TNKS: variants seen among roughly 807,000 people sequenced by gnomAD.
The protein encoded by TNKS is poly [ADP-ribose] polymerase tankyrase-1.
A neutral mutation model predicts 135.8 loss-of-function variants in TNKS; 72 were observed. That is an observed-to-expected ratio of 0.53 (90% CI 0.44 to 0.64). The LOEUF (loss-of-function observed/expected upper bound fraction) is 0.64. Ranked by LOEUF, TNKS falls within the 30% of genes least tolerant of loss-of-function variation. TNKS has a pLI of 0.00. For missense variants in TNKS, 1,769 were observed against 1,674.0 expected, an observed-to-expected ratio of 1.06 and a Z score of -0.99; for synonymous variants, 849 against 649.3, an observed-to-expected ratio of 1.31 and a Z score of -4.68.
Position 9,658,338 on chromosome 8 carries a change from C to T in TNKS, c.995-21613C>T, listed in dbSNP as rs893362485. On this transcript the variant is annotated intron_variant, in intron 3 of 26. Coordinates refer to ENST00000310430, the MANE Select transcript of TNKS (RefSeq NM_003747.3). ...CGCGGGGCCCGTCCGCTCCTCCAGC[C>T]GCTGCCTCCCAGGCGGCGCTCGCCG... The T allele has an allele frequency of 6.4e-5, 67 of 1,048,622 alleles. No homozygotes were observed. The Admixed American group carries it at 7.4e-4, about 12-fold the overall frequency. The allele number at this position is 1,048,622 out of a possible 1,614,324, so 65.0% of individuals were successfully genotyped here.
intron 1 of TNKS, among the ~76,000 whole-genome samples, chr8:9,567,498 C>G (rs555261268): frequency 3.1e-4 from 47 of 152,338 alleles, no homozygotes; most frequent in African/African-American, 1.0e-3. Flanking sequence ...TCACTGCAAG[C>G]TCTGCCTCCC....
chr8:9,694,619 G>C (rs756576216), intron 5 of TNKS, among the ~76,000 whole-genome samples: 4 of 151,928 alleles, frequency 2.6e-5, no homozygotes, highest in Non-Finnish European at 5.9e-5. Flanking sequence ...AAAATTAGCC[G>C]GGTGTGGTGG....
intron 3 of TNKS, among the ~76,000 whole-genome samples, chr8:9,663,148 C>A (rs771319562): frequency 2.6e-5 from 4 of 152,294 alleles, no homozygotes; most frequent in Admixed American, 1.3e-4. Context: ...TGTGTTTTCC[C>A]CTAGAGGCTC....
chr8:9,638,001 C>G (rs779540073), intron 3 of TNKS, among the ~76,000 whole-genome samples: 2 of 152,118 alleles, frequency 1.3e-5, no homozygotes, highest in African/African-American at 4.8e-5. Flanking sequence ...TGGGATCTCG[C>G]TTTGTTGCCC....
chr8:9,591,593 T>G (rs564225464), intron 2 of TNKS, among the ~76,000 whole-genome samples: 1 of 152,354 alleles, frequency 6.6e-6, no homozygotes, highest in Non-Finnish European at 1.5e-5. Flanking sequence ...TTTGGCCATC[T>G]TTGGTTTTAT....
intron 1 of TNKS, among the ~76,000 whole-genome samples, chr8:9,573,304 C>G (rs1162945766): frequency 2.6e-5 from 4 of 152,094 alleles, no homozygotes; most frequent in Admixed American, 1.3e-4. Context: ...GCCACATGGT[C>G]AGATAACAAT....
intron 1 of TNKS, among the ~76,000 whole-genome samples, chr8:9,575,643 A>T (rs143529862): frequency 2.0e-5 from 3 of 152,334 alleles, no homozygotes; most frequent in Middle Eastern, 3.4e-3. Context: ...CAATCCATGT[A>T]GGAAAAGATT....
At chr8:9,727,803 C>T (rs1219571846) in intron 13 of TNKS, among the ~76,000 whole-genome samples, 1 of 152,158 alleles carries the variant, frequency 6.6e-6, no homozygotes, top group African/African-American at 2.4e-5. Flanking sequence ...TATGTGGGCA[C>T]TTCCAGGATC....
Sources: allele counts gnomAD v4.1 joint callset (sites outside exome capture counted in the v4.1 genomes callset), GRCh38; gene constraint gnomAD v4.1.1; transcripts MANE v1.5; gene names NCBI Gene and HGNC (gene_info 2026-07-23, HGNC 2026-07-21).